RBFOX3: variants seen among roughly 807,000 people sequenced by gnomAD.
RBFOX3 encodes RNA binding protein fox-1 homolog 3.
A neutral mutation model predicts 48.7 loss-of-function variants in RBFOX3; 17 were observed. The ratio of observed to expected loss-of-function variants is 0.35; its 90% CI spans 0.24 to 0.52. RBFOX3 has a LOEUF of 0.52. RBFOX3 is among the 20% of genes least tolerant of loss of function. The probability of loss-of-function intolerance (pLI) is 0.94; values close to 1 mark genes in which losing one functional copy is unlikely to be tolerated. For missense variants in RBFOX3, 382 were observed against 497.5 expected (o/e 0.77, Z 2.21); for synonymous variants, 212 against 209.5 (o/e 1.01, Z -0.10).
At chr17:79,190,780 C>T (rs2054366939) in intron 4 of RBFOX3, among the ~76,000 whole-genome samples, 1 of 152,220 alleles carries the variant, frequency 6.6e-6, no homozygotes, top group Non-Finnish European at 1.5e-5. Flanking sequence ...CTCCCTGTAG[C>T]TCCCAGGAGG....
intron 4 of RBFOX3, among the ~76,000 whole-genome samples, chr17:79,228,053 G>A (rs1013364710): frequency 1.3e-5 from 2 of 152,190 alleles, no homozygotes; most frequent in East Asian, 1.9e-4. Context: ...CAGCCAGGCT[G>A]GCCAGGGACG....
intron 1 of RBFOX3, among the ~76,000 whole-genome samples, chr17:79,484,363 G>A (rs1477875066): frequency 6.6e-6 from 1 of 152,342 alleles, no homozygotes; most frequent in South Asian, 2.1e-4. Flanking sequence ...ACAGAGCCCA[G>A]TGCCCACTGC....
chr17:79,355,823 TACC>T, intron 2 of RBFOX3, among the ~76,000 whole-genome samples: 1 of 152,252 alleles, frequency 6.6e-6, no homozygotes, highest in South Asian at 2.1e-4. Context: ...TCAGGTGATC[TACC>T]TGCCTTAGCT....
In RBFOX3 at chr17:79,242,075, T is replaced by C. The variant is rs2062462376; in HGVS notation, c.-73-6270A>G. Among the ~76,000 whole-genome samples the C allele has an allele frequency of 6.6e-6, 1 of 152,240 alleles. No homozygotes were observed. ...CTTCCATGTTTTCCTAAATGTGCAG[T>C]GACGGTGCTTGGACCTAGTTTATGG... On this transcript the variant is annotated intron_variant, in intron 3 of 14. Coordinates refer to ENST00000693108, the MANE Select transcript of RBFOX3 (RefSeq NM_001350451.2). The surrounding 1 kb of genome is among the most constrained non-coding windows in gnomAD (Gnocchi z 5.8).
In RBFOX3 at chr17:79,443,339, GT is replaced by G. The variant is rs1294042073; in HGVS notation, c.-175+39114del. On this transcript the variant is annotated intron_variant, in intron 2 of 14. Transcript: ENST00000693108. The surrounding 1 kb of genome is among the most constrained non-coding windows in gnomAD (Gnocchi z 4.4). ...CCAAACACACACTCACATAAATGCA[GT>G]CATGCTTAGACACACACAAATGCAC... Among the ~76,000 whole-genome samples, 2 of 152,160 alleles carry G rather than the reference GT, an allele frequency of 1.3e-5. No individual in the cohort carries two copies. Among genetic ancestry groups the G allele is most frequent in the Non-Finnish European group, 1.5e-5 (1 of 68,030 alleles).
At chr17:79,160,874 G>A (rs1288171544) in intron 4 of RBFOX3, among the ~76,000 whole-genome samples, 1 of 151,812 alleles carries the variant, frequency 6.6e-6, no homozygotes, top group Non-Finnish European at 1.5e-5. Flanking sequence ...CAACTACTTA[G>A]GAGGCTGAGG....
Position 79,382,859 on chromosome 17 carries a change from G to A in RBFOX3, c.-174-75035C>T, listed in dbSNP as rs144090720. ...TGGATGCCATCAGGGGAGCCTGAAT[G>A]GGGCATTTCCAGAACCTTGCTGACC... On this transcript the variant is annotated intron_variant, in intron 2 of 14. Coordinates refer to ENST00000693108, the MANE Select transcript of RBFOX3 (RefSeq NM_001350451.2). Among the ~76,000 whole-genome samples, 926 of 152,298 alleles carry A rather than the reference G, an allele frequency of 6.1e-3. 38 individuals are homozygous for A. Among genetic ancestry groups the A allele is most frequent in the Admixed American group, 0.056 (863 of 15,296 alleles).
intron 1 of RBFOX3, among the ~76,000 whole-genome samples, chr17:79,506,511 A>G (rs959925916): frequency 2.0e-4 from 31 of 152,232 alleles, no homozygotes; most frequent in Admixed American, 4.6e-4. Context: ...AGATGTCCCA[A>G]GAGGAGTGCT....
At chr17:79,653,504 C>T in the RBFOX3 span, among the ~76,000 whole-genome samples, 1 of 152,082 alleles carries the variant, frequency 6.6e-6, no homozygotes, top group African/African-American at 2.4e-5. Flanking sequence ...GTAGATTTAA[C>T]GAAGATTGAG....
In RBFOX3 at chr17:79,249,942, G is replaced by A. The variant is rs1325779044; in HGVS notation, c.-73-14137C>T. 6.6e-6 allele frequency among the ~76,000 whole-genome samples: 1 copy of A among 152,172 alleles called. No homozygotes were observed. Among genetic ancestry groups the A allele is most frequent in the Non-Finnish European group, 1.5e-5 (1 of 68,028 alleles). ...CAGCCTCACCATCCTAGCTGCACCT[G>A]CCGGCATCCCTGGCATCGCTTTGGC... On this transcript the variant is annotated intron_variant, in intron 3 of 14. Transcript: ENST00000693108. The surrounding 1 kb of genome is among the most constrained non-coding windows in gnomAD (Gnocchi z 4.1).
chr17:79,550,111 C>T (rs1246693511), intron 1 of RBFOX3, among the ~76,000 whole-genome samples: 16 of 152,208 alleles, frequency 1.1e-4, no homozygotes, highest in Admixed American at 1.0e-3. Flanking sequence ...AGCCAGGGCC[C>T]TGTCAGGCCT....
At chr17:79,467,046 C>T (rs1018798579) in intron 2 of RBFOX3, among the ~76,000 whole-genome samples, 107 of 152,332 alleles carry the variant, frequency 7.0e-4, no homozygotes, top group African/African-American at 2.3e-3. Context: ...GCACTGCACA[C>T]GTCTAGATAA....
chr17:79,597,697 C>G (rs1387506125), intron 1 of RBFOX3, among the ~76,000 whole-genome samples: 1 of 152,176 alleles, frequency 6.6e-6, no homozygotes, highest in African/African-American at 2.4e-5. Context: ...CTAAGTACCC[C>G]CCATAGGTAG....
intron 4 of RBFOX3, among the ~76,000 whole-genome samples, chr17:79,227,433 C>G (rs1327073494): frequency 6.6e-6 from 1 of 152,214 alleles, no homozygotes; most frequent in Non-Finnish European, 1.5e-5. Context: ...GTTTGAGCAT[C>G]AGCTCGTCCA....
intron 2 of RBFOX3, among the ~76,000 whole-genome samples, chr17:79,388,894 GCGGCAGGGAAC>G: frequency 6.6e-6 from 1 of 152,314 alleles, no homozygotes; most frequent in Non-Finnish European, 1.5e-5. Flanking sequence ...TCCTCTCCCA[GCGGCAGGGAAC>G]AGATTCCCTT....
the RBFOX3 span, among the ~76,000 whole-genome samples, chr17:79,664,402 G>A: frequency 6.6e-6 from 1 of 151,058 alleles, no homozygotes; most frequent in Non-Finnish European, 1.5e-5. Context: ...CTGGAGTGCA[G>A]TGGTGTTATC....
chr17:79,425,834 G>A (rs949858821), intron 2 of RBFOX3, among the ~76,000 whole-genome samples: 2 of 152,120 alleles, frequency 1.3e-5, no homozygotes, highest in African/African-American at 2.4e-5. Flanking sequence ...GGAGAGGATG[G>A]GGGGAGGAGA....
chr17:79,347,099 C>T (rs994343398), intron 2 of RBFOX3, among the ~76,000 whole-genome samples: 1 of 152,226 alleles, frequency 6.6e-6, no homozygotes, highest in African/African-American at 2.4e-5. Flanking sequence ...GCTTTCACAT[C>T]TGAATGACAA....
chr17:79,456,272 C>A (rs1472692396), intron 2 of RBFOX3, among the ~76,000 whole-genome samples: 2 of 152,150 alleles, frequency 1.3e-5, no homozygotes, highest in Non-Finnish European at 2.9e-5. Flanking sequence ...CTCGTCCCGC[C>A]AACTCTGTTT....
Sources: gnomAD v4.1 joint callset for allele counts (sites outside exome capture counted in the v4.1 genomes callset) on GRCh38, gnomAD v4.1.1 for gene constraint, Gnocchi (gnomAD v3.1) non-coding constraint, MANE v1.5 for transcripts, NCBI Gene and HGNC (gene_info 2026-07-23, HGNC 2026-07-21) for gene names.